MIB1: variants seen among roughly 807,000 people sequenced by gnomAD.
The protein encoded by MIB1 is MIB E3 ubiquitin protein ligase 1.
In MIB1, 278 loss-of-function variants were observed where a neutral mutation model predicts 124.5. That is an observed-to-expected ratio of 2.23 (90% CI 2.02 to 2.47). MIB1 has a LOEUF of 2.47. MIB1 is among the 30% of genes most tolerant of loss of function. MIB1 has a pLI of 0.00. For synonymous variants in MIB1, 446 were observed against 429.4 expected (o/e 1.04, Z -0.48); for missense variants, 957 against 1,254.4 (o/e 0.76, Z 3.58).
rs2146373661 is a variant in MIB1, at chr18:21,741,813, G to A, written c.229+1G>A. The A allele has an allele frequency of 6.3e-7, 1 of 1,592,400 alleles. No homozygotes were observed. Among genetic ancestry groups the A allele is most frequent in the Non-Finnish European group, 8.5e-7 (1 of 1,170,476 alleles). ...CGCATCCTGGACAGCGCGCCCACCG[G>A]TAAGCCGCGGCCACCTGGCCAGGGC... On this transcript the variant is annotated splice_donor_variant, in intron 1 of 20. Coordinates refer to ENST00000261537, the MANE Select transcript of MIB1 (RefSeq NM_020774.4). LOFTEE classifies it high-confidence loss of function. The surrounding 1 kb of genome is among the most constrained non-coding windows in gnomAD (Gnocchi z 5.4).
intron 3 of MIB1, among the ~76,000 whole-genome samples, chr18:21,769,243 G>C (rs2041198738): frequency 6.6e-6 from 1 of 152,178 alleles, no homozygotes; most frequent in Admixed American, 6.5e-5. Context: ...AGAATATTCT[G>C]TGTGGTGAAA....
chr18:21,799,839 A>C lies in MIB1; in HGVS notation c.1238-2A>C, dbSNP rs866374277. On this transcript the variant is annotated splice_acceptor_variant, in intron 8 of 20. Transcript: ENST00000261537. LOFTEE classifies it high-confidence loss of function. ...TTAGCAGCTTTATTTGATGCTTTAC[A>C]GAAAGACTCTCACAACTCCTGAAGA... 9.3e-6 allele frequency: 15 copies of C among 1,609,130 alleles called. No individual in the cohort carries two copies. The highest frequency in any genetic ancestry group is 1.3e-5 in the Non-Finnish European group (15 of 1,176,914).
rs2042308765 is a variant in MIB1, at chr18:21,864,892, CAT to C, written c.*228_*229del. ...TTTGAAACATCAAATTCATGTAACT[CAT>C]AGGATAATTTACCTTTGGCTTCTAA... On this transcript the variant is annotated 3_prime_UTR_variant, in exon 21 of 21. Transcript: ENST00000261537. The C allele has an allele frequency of 2.7e-6, 1 of 365,486 alleles. No individual in the cohort carries two copies. 22.6% of individuals were successfully genotyped at this position (365,486 alleles called of 1,614,324 possible).
chr18:21,795,670 A>G (rs955270367), intron 7 of MIB1, among the ~76,000 whole-genome samples: 3 of 152,084 alleles, frequency 2.0e-5, no homozygotes, highest in African/African-American at 7.2e-5. Flanking sequence ...AATGAAATAA[A>G]TGAAACTAAG....
chr18:21,852,016 A>T (rs2146513955), intron 17 of MIB1, among the ~76,000 whole-genome samples: 1 of 152,312 alleles, frequency 6.6e-6, no homozygotes, highest in African/African-American at 2.4e-5. Context: ...AGGAGAAGAT[A>T]ATTATTATGT....
At chr18:21,815,529 A>T in intron 10 of MIB1, 87 bp from the exon 11 acceptor site, 2 of 1,185,270 alleles carry the variant, frequency 1.7e-6, no homozygotes, top group Non-Finnish European at 2.4e-6. Flanking sequence ...TTCTCAAATT[A>T]ATCTGCTTCT....
intron 12 of MIB1, among the ~76,000 whole-genome samples, chr18:21,824,101 TAAC>T (rs1010071838): frequency 1.3e-5 from 2 of 152,172 alleles, no homozygotes; most frequent in African/African-American, 2.4e-5. Flanking sequence ...GAAGTACAGG[TAAC>T]AATAATATAA....
chr18:21,831,855 G>T (rs2041986733), intron 12 of MIB1, among the ~76,000 whole-genome samples: 3 of 152,154 alleles, frequency 2.0e-5, no homozygotes, highest in African/African-American at 4.8e-5. Context: ...GACAGTTATG[G>T]AACAAGTGAA....
At chr18:21,790,578 A>G (rs1022445468) in intron 6 of MIB1, among the ~76,000 whole-genome samples, 1 of 152,312 alleles carries the variant, frequency 6.6e-6, no homozygotes, top group East Asian at 1.9e-4. Context: ...GCGTATACAT[A>G]TATATGTATA....
Position 21,847,105 on chromosome 18 carries a change from G to A in MIB1, c.2373G>A (p.Lys791=). Residue 791 remains lysine (K), a synonymous_variant, in exon 16 of 21, where the codon AAG becomes AAA. Coordinates refer to ENST00000261537, the MANE Select transcript of MIB1 (RefSeq NM_020774.4). ...PDPNLCKALA[K]CHKEKVSGQV... is the part of the protein sequence containing the mutation. Reference sequence around the variant, plus strand: ...CGAATCTCTGCAAAGCACTGGCAAAGTGTCATAAGGAAAAAGTCAGGTTTG... The same window carrying A: ...CGAATCTCTGCAAAGCACTGGCAAAATGTCATAAGGAAAAAGTCAGGTTTG... 6.2e-7 allele frequency: 1 copy of A among 1,614,060 alleles called. No individual in the cohort carries two copies. The highest frequency in any genetic ancestry group is 1.6e-4 in the Middle Eastern group (1 of 6,062).
In MIB1 at chr18:21,869,488, C is replaced by CGT. The variant is rs973530295; in HGVS notation, c.*4825_*4826dup. The CGT allele has an allele frequency of 3.3e-5, 5 of 152,332 alleles. No individual in the cohort carries two copies. Among genetic ancestry groups the CGT allele is most frequent in the African/African-American group, 1.2e-4 (5 of 41,378 alleles). 9.4% of individuals were successfully genotyped at this position (152,332 alleles called of 1,614,324 possible). ...TTTATAAAAGATGGTCTTTAGTGCA[C>CGT]GTGTATCATTATATACACGTTTTAA... is the stretch of plus-strand genomic sequence containing the variant. On this transcript the variant is annotated 3_prime_UTR_variant, in exon 21 of 21. Transcript: ENST00000261537.
rs553281531 is a variant in MIB1 at position 21,707,856 on chromosome 18, A to T, written n.167+2733A>T. ...CTTGGGCATTATAACAAAATACCAT[A>T]GCCTAGGTGACTTAAACATACATGT... On this transcript the variant is annotated intron_variant and non_coding_transcript_variant, in intron 1 of 20. Transcript: ENST00000578646. Among the ~76,000 whole-genome samples, 8 of 152,314 alleles carry T rather than the reference A, an allele frequency of 5.3e-5. No homozygotes were observed. The South Asian group carries it at 1.5e-3, about 28-fold the overall frequency.
chr18:21,720,935 C>G (rs1256460150), intron 1 of MIB1, among the ~76,000 whole-genome samples: 4 of 152,124 alleles, frequency 2.6e-5, no homozygotes, highest in East Asian at 1.9e-4. Context: ...GCACTCCAGC[C>G]TGGGCAACAA....
chr18:21,732,913 T>C lies in MIB1; in HGVS notation n.167+27790T>C, dbSNP rs769933214. ...GTACATTATTCTCAAAACACTCTTG[T>C]AATAAGCAGATGTTATTGTTTTTTG... On this transcript the variant is annotated intron_variant and non_coding_transcript_variant, in intron 1 of 20. Transcript: ENST00000578646. Among the ~76,000 whole-genome samples, 6 of 152,330 alleles carry C rather than the reference T, an allele frequency of 3.9e-5. No individual in the cohort carries two copies. In the South Asian group the frequency reaches 1.0e-3, roughly 26 times the overall value.
intron 12 of MIB1, among the ~76,000 whole-genome samples, chr18:21,833,847 C>T (rs2042004246): frequency 1.3e-5 from 2 of 152,156 alleles, no homozygotes; most frequent in Admixed American, 6.5e-5. Context: ...TGGCACTATT[C>T]ACAAATGCCT....
At chr18:21,737,659 G>A (rs1332137164), upstream of MIB1, among the ~76,000 whole-genome samples, 2 of 152,060 alleles carry the variant, frequency 1.3e-5, no homozygotes, top group Non-Finnish European at 2.9e-5. Context: ...ACACACATAG[G>A]CTCAAAATAA....
chr18:21,749,909 T>C (rs538596837), intron 1 of MIB1, among the ~76,000 whole-genome samples: 4 of 152,178 alleles, frequency 2.6e-5, no homozygotes, highest in Admixed American at 6.5e-5. Flanking sequence ...TCCAAAGTGC[T>C]GGGATTACAG....
chr18:21,821,030 C>G (rs569655292), intron 12 of MIB1, among the ~76,000 whole-genome samples: 2 of 152,278 alleles, frequency 1.3e-5, no homozygotes, highest in East Asian at 3.9e-4. Context: ...TGCTCTCTCA[C>G]CAATTCTTAG....
chr18:21,719,507 T>G (rs1339654041), intron 1 of MIB1, among the ~76,000 whole-genome samples: 1 of 152,018 alleles, frequency 6.6e-6, no homozygotes, highest in Non-Finnish European at 1.5e-5. Context: ...AGTGCAGCGG[T>G]GCGATCTCTG....
Sources: gnomAD v4.1 joint callset for allele counts (sites outside exome capture counted in the v4.1 genomes callset) on GRCh38, gnomAD v4.1.1 for gene constraint, Gnocchi (gnomAD v3.1) non-coding constraint, MANE v1.5 for transcripts, NCBI Gene and HGNC (gene_info 2026-07-23, HGNC 2026-07-21) for gene names.